Variants in ZNF451 observed in about 807,000 individuals in gnomAD.
ZNF451 encodes zinc finger protein 451, also known as E3 SUMO-protein ligase ZNF451.
Under a neutral mutation model 107.1 loss-of-function variants are expected in ZNF451, and 80 were observed. That is an observed-to-expected ratio of 0.75 (90% CI 0.62 to 0.90). The LOEUF (loss-of-function observed/expected upper bound fraction) is 0.90. Among genes scored for constraint, ZNF451 ranks in the 40% least tolerant of loss-of-function variants. The pLI is 0.00. For synonymous variants in ZNF451, 362 were observed against 406.5 expected, an observed-to-expected ratio of 0.89 and a Z score of 1.32; for missense variants, 1,107 against 1,236.2, an observed-to-expected ratio of 0.90 and a Z score of 1.57.
chr6:57,127,323 A>G (rs967845033), intron 4 of ZNF451, among the ~76,000 whole-genome samples: 2 of 152,194 alleles, frequency 1.3e-5, no homozygotes, highest in African/African-American at 2.4e-5. Context: ...CAGTGTTTCT[A>G]TACTTAATTT....
intron 3 of ZNF451, among the ~76,000 whole-genome samples, chr6:57,111,259 C>G (rs558519194): frequency 6.6e-6 from 1 of 150,810 alleles, no homozygotes; most frequent in East Asian, 2.0e-4. Context: ...TACAGTTCAT[C>G]CTTTTTTTTT....
At chr6:57,098,848 G>T (rs1210723615) in intron 2 of ZNF451, among the ~76,000 whole-genome samples, 5 of 152,070 alleles carry the variant, frequency 3.3e-5, no homozygotes, top group African/African-American at 1.2e-4. Context: ...CAGGGGTGTA[G>T]GTGCTTCCTT....
At chr6:57,157,285 C>T (rs1472339346) in intron 13 of ZNF451, among the ~76,000 whole-genome samples, 4 of 152,142 alleles carry the variant, frequency 2.6e-5, no homozygotes, top group East Asian at 3.9e-4. Flanking sequence ...TTATCAGAAT[C>T]GATCATATGG....
At chr6:57,164,205 A>C (rs183069314) in intron 14 of ZNF451, among the ~76,000 whole-genome samples, 58 of 152,326 alleles carry the variant, frequency 3.8e-4, no homozygotes, top group African/African-American at 1.4e-3. Flanking sequence ...TGTGGTGGTG[A>C]AAAGTACAGT....
chr6:57,104,060 C>A, intron 3 of ZNF451: 1 of 984,538 alleles, frequency 1.0e-6, no homozygotes, highest in Non-Finnish European at 1.2e-6. Context: ...CAAATTTAGC[C>A]CAGTCATATC....
chr6:57,095,312 G>T (rs1373260946), intron 2 of ZNF451, among the ~76,000 whole-genome samples: 1 of 145,462 alleles, frequency 6.9e-6, no homozygotes, highest in East Asian at 2.0e-4. Context: ...CTCAATTTTG[G>T]ATTTTCTGTG....
At position 57,148,033 on chromosome 6, in the gene ZNF451, A is replaced by T; in HGVS notation, c.1948A>T (p.Thr650Ser). ...CAGAAAGCCTTTTCATAAGATAGAA[A>T]CATTGTACCGACATTGCCAAGATGA... is the stretch of plus-strand genomic sequence containing the variant. ...HCRKPFHKIE[T>S]LYRHCQDEHD... Residue 650 changes from threonine (T) to serine (S), a missense_variant, in exon 10 of 15, where the codon ACA becomes TCA. Transcript: ENST00000370706. 2 of 1,614,096 alleles carry T rather than the reference A, an allele frequency of 1.2e-6. No individual in the cohort carries two copies. Among genetic ancestry groups the T allele is most frequent in the East Asian group, 4.5e-5 (2 of 44,886 alleles).
chr6:57,155,095 C>G (rs1253347560), intron 13 of ZNF451, among the ~76,000 whole-genome samples: 1 of 152,004 alleles, frequency 6.6e-6, no homozygotes, highest in South Asian at 2.1e-4. Context: ...TTATGTCATG[C>G]CTTAGTTCTG....
At chr6:57,097,645 C>G (rs1387664207) in intron 2 of ZNF451, among the ~76,000 whole-genome samples, 1 of 152,166 alleles carries the variant, frequency 6.6e-6, no homozygotes, top group African/African-American at 2.4e-5. Context: ...ACACTGACAG[C>G]TTTTTATTGA....
chr6:57,147,170 G>A lies in ZNF451; in HGVS notation c.1085G>A (p.Gly362Asp). The A allele has an allele frequency of 6.2e-7, 1 of 1,614,032 alleles. No homozygotes were observed. Among genetic ancestry groups the A allele is most frequent in the Non-Finnish European group, 8.5e-7 (1 of 1,179,954 alleles). ...GTTGCAGAGAAATTCATATTAAGAGGTTATTGTCCAGATTGCAATCAAGTC... is the reference window on the plus strand; with the variant it reads ...GTTGCAGAGAAATTCATATTAAGAGATTATTGTCCAGATTGCAATCAAGTC... ...TQVAEKFILRGYCPDCNQVFV... is the reference protein window; with the variant it reads ...TQVAEKFILRDYCPDCNQVFV... Residue 362 changes from glycine (G) to aspartate (D), a missense_variant, in exon 10 of 15, where the codon GGT becomes GAT. Physicochemically the swap from Gly to Asp is moderately conservative, Grantham distance 94 (BLOSUM62 -1). Coordinates refer to ENST00000370706, the MANE Select transcript of ZNF451 (RefSeq NM_001031623.3).
chr6:57,141,840 G>A (rs1289055816), intron 8 of ZNF451, 108 bp from the exon 9 acceptor site: 2 of 953,918 alleles, frequency 2.1e-6, no homozygotes, highest in African/African-American at 3.3e-5. Flanking sequence ...CAAAATAACT[G>A]TCTTCTTTTA....
intron 2 of ZNF451, among the ~76,000 whole-genome samples, chr6:57,092,433 C>A (rs753906774): frequency 9.9e-5 from 15 of 152,018 alleles, no homozygotes; most frequent in Non-Finnish European, 1.6e-4. Flanking sequence ...TACTCTTGTT[C>A]CCAAATAAAG....
intron 3 of ZNF451, chr6:57,105,362 ACT>A (rs1375596864): frequency 3.0e-6 from 3 of 984,108 alleles, no homozygotes; most frequent in Non-Finnish European, 3.6e-6. Flanking sequence ...ATAGAGAAGT[ACT>A]GTTTCCATTT....
chr6:57,142,324 GTTC>G (rs148477028), intron 9 of ZNF451, among the ~76,000 whole-genome samples: 1,774 of 152,298 alleles, frequency 0.012, 26 homozygotes, highest in African/African-American at 0.04. Context: ...TTTTGTGTAT[GTTC>G]TTCTGTGTGT....
Position 57,148,056 on chromosome 6 carries a change from T to C in ZNF451, c.1971T>C (p.Asp657=), listed in dbSNP as rs1562622456. 1.2e-6 allele frequency: 2 copies of C among 1,614,020 alleles called. No individual in the cohort carries two copies. Among genetic ancestry groups the C allele is most frequent in the Non-Finnish European group, 1.7e-6 (2 of 1,179,994 alleles). The change falls in exon 10 of 15, where the codon GAT becomes GAC. Residue 657 remains aspartate, a synonymous_variant. Transcript: ENST00000370706. ...KIETLYRHCQ[D]EHDNEIKIKY... The stretch of plus-strand genomic sequence containing the variant: ...AAACATTGTACCGACATTGCCAAGA[T>C]GAGCATGACAATGAGATAAAGATTA...
At position 57,148,261 on chromosome 6, in the gene ZNF451, G is replaced by T; in HGVS notation, c.2176G>T (p.Glu726Ter). The change falls in exon 10 of 15, where the codon GAG becomes TAG. Residue 726 changes from glutamate to a stop codon, truncating the protein, a stop_gained. Transcript: ENST00000370706. LOFTEE classifies it high-confidence loss of function. Reference protein sequence around the residue: ...TSNQLTCGCRESYICKVNRKE... With the variant: ...TSNQLTCGCR ...TAACCAGTTAACTTGTGGTTGCCGT[G>T]AGAGTTACATCTGTAAAGTCAACAG... 1.2e-6 allele frequency: 2 copies of T among 1,613,924 alleles called. No individual in the cohort carries two copies. The highest frequency in any genetic ancestry group is 1.7e-6 in the Non-Finnish European group (2 of 1,179,938).
At chr6:57,103,026 A>G (rs1452717289) in intron 3 of ZNF451, 1 of 985,272 alleles carries the variant, frequency 1.0e-6, no homozygotes, top group African/African-American at 1.7e-5. Flanking sequence ...TACCTTCTAA[A>G]CATTTAATTC....
intron 3 of ZNF451, among the ~76,000 whole-genome samples, chr6:57,124,119 T>C (rs1830786445): frequency 6.6e-6 from 1 of 152,212 alleles, no homozygotes; most frequent in African/African-American, 2.4e-5. Flanking sequence ...ATTAAATGTG[T>C]TGTTAGCTGT....
chr6:57,117,509 AAATT>A (rs1180864710), intron 3 of ZNF451, among the ~76,000 whole-genome samples: 1 of 152,196 alleles, frequency 6.6e-6, no homozygotes, highest in African/African-American at 2.4e-5. Context: ...GAAGAGATCT[AAATT>A]AATGTTTAAA....
Sources: gnomAD v4.1 joint callset for allele counts (sites outside exome capture counted in the v4.1 genomes callset) on GRCh38, gnomAD v4.1.1 for gene constraint, MANE v1.5 for transcripts, NCBI Gene and HGNC (gene_info 2026-07-23, HGNC 2026-07-21) for gene names.